PIK3C2G: variants seen among roughly 807,000 people sequenced by gnomAD.
The protein encoded by PIK3C2G is phosphatidylinositol-4-phosphate 3-kinase catalytic subunit type 2 gamma, also known as phosphatidylinositol 3-kinase C2 domain-containing subunit gamma.
Under a neutral mutation model 181.1 loss-of-function variants are expected in PIK3C2G, and 168 were observed. The observed-to-expected ratio is 0.93, with a 90% CI of 0.82 to 1.05. The LOEUF (loss-of-function observed/expected upper bound fraction) is 1.05, where lower values mean the gene tolerates loss of function less well. Among genes scored for constraint, PIK3C2G ranks in the 50% least tolerant of loss-of-function variants. The pLI, the probability that PIK3C2G is intolerant of heterozygous loss-of-function variation, is 0.00. For synonymous variants in PIK3C2G, 573 were observed against 592.2 expected (o/e 0.97, Z 0.47); for missense variants, 1,869 against 1,732.8 (o/e 1.08, Z -1.40).
chr12:18,346,974 T>G (rs17847789), intron 11 of PIK3C2G, 138 bp downstream of exon 11: 9 of 440,430 alleles, frequency 2.0e-5, no homozygotes, highest in Non-Finnish European at 3.6e-5. Flanking sequence ...TTATCCATAT[T>G]CTTAAAATCA....
At chr12:18,424,543 T>A (rs1184248328) in intron 18 of PIK3C2G, 1 of 161,420 alleles carries the variant, frequency 6.2e-6, no homozygotes, top group Non-Finnish European at 1.4e-5. Flanking sequence ...ATAAGACTGA[T>A]TCATAAGATG....
intron 26 of PIK3C2G, among the ~76,000 whole-genome samples, chr12:18,548,922 A>G (rs1179083361): frequency 1.3e-5 from 2 of 151,964 alleles, no homozygotes; most frequent in Non-Finnish European, 1.5e-5. Context: ...ATTATTCCAC[A>G]TGAATCCTTT....
the PIK3C2G span, chr12:18,693,589 T>G: frequency 6.3e-7 from 1 of 1,591,368 alleles, no homozygotes; most frequent in South Asian, 1.1e-5. Flanking sequence ...GGGAATTGTT[T>G]CGAGTTGCTG....
chr12:18,566,926 A>T, intron 28 of PIK3C2G, 23 bp from the exon 29 acceptor site: 1 of 1,239,036 alleles, frequency 8.1e-7, no homozygotes, highest in Admixed American at 1.7e-5. Context: ...TAATGAAGAT[A>T]ACTTTTTTTT....
intron 13 of PIK3C2G, chr12:18,372,749 T>A (rs2137888718): frequency 6.6e-6 from 1 of 152,328 alleles, no homozygotes; most frequent in African/African-American, 2.4e-5. Flanking sequence ...AGGAATATTT[T>A]TGTCTTTAAA....
Position 18,346,696 on chromosome 12 carries a change from T to C in PIK3C2G, c.1485T>C (p.Asn495=). 1 of 1,613,300 alleles carries C rather than the reference T, an allele frequency of 6.2e-7. No homozygotes were observed. The highest frequency in any genetic ancestry group is 8.5e-7 in the Non-Finnish European group (1 of 1,179,356). The part of the protein sequence containing the change: ...ELSTSIYQLI[N]VYCNSFYADF... ...CCACATCCATCTACCAGCTAATCAA[T>C]GTCTACTGTAACAGCTTTTATGCAG... The change falls in exon 11 of 33, where the codon AAT becomes AAC. Residue 495 remains asparagine (N), a synonymous_variant. Coordinates refer to ENST00000538779, the MANE Select transcript of PIK3C2G (RefSeq NM_001288772.2).
At chr12:18,329,755 C>T (rs1054525682) in intron 8 of PIK3C2G, among the ~76,000 whole-genome samples, 2 of 152,004 alleles carry the variant, frequency 1.3e-5, no homozygotes, top group Non-Finnish European at 2.9e-5. Flanking sequence ...ACACCAAACA[C>T]TTTTCTAATG....
At chr12:18,601,273 A>G (rs1218978226) in intron 30 of PIK3C2G, among the ~76,000 whole-genome samples, 4 of 147,950 alleles carry the variant, frequency 2.7e-5, no homozygotes, top group African/African-American at 1.0e-4. Context: ...CAAAACAACC[A>G]ATAAAATAAA....
chr12:18,411,709 C>T (rs1220580987), intron 16 of PIK3C2G, among the ~76,000 whole-genome samples: 1 of 152,180 alleles, frequency 6.6e-6, no homozygotes, highest in African/African-American at 2.4e-5. Context: ...TGAATAGCCT[C>T]ATGGCATATT....
chr12:18,598,069 C>T (rs1436718247), intron 30 of PIK3C2G, among the ~76,000 whole-genome samples: 1 of 152,188 alleles, frequency 6.6e-6, no homozygotes, highest in African/African-American at 2.4e-5. Flanking sequence ...AATGGCCATA[C>T]TGCCCAAGGT....
intron 14 of PIK3C2G, among the ~76,000 whole-genome samples, chr12:18,385,649 A>G (rs1565662516): frequency 6.6e-6 from 1 of 151,658 alleles, no homozygotes; most frequent in East Asian, 1.9e-4. Flanking sequence ...GCTCACTGCA[A>G]CCTCCTCCTC....
intron 1 of PIK3C2G, among the ~76,000 whole-genome samples, chr12:18,253,730 A>G (rs1407303996): frequency 1.3e-5 from 2 of 152,198 alleles, no homozygotes; most frequent in East Asian, 3.8e-4. Context: ...AATGTCCACA[A>G]AGTAATTCCA....
At chr12:18,407,144 G>C (rs60716523) in intron 16 of PIK3C2G, among the ~76,000 whole-genome samples, 16,872 of 151,986 alleles carry the variant, frequency 0.11, 1,290 homozygotes, top group Admixed American at 0.27. Flanking sequence ...TTCTTATCAT[G>C]AATCCTTCAT....
chr12:18,636,604 G>A (rs1164591393), intron 31 of PIK3C2G, among the ~76,000 whole-genome samples: 1 of 152,166 alleles, frequency 6.6e-6, no homozygotes, highest in Non-Finnish European at 1.5e-5. Context: ...ATCAGGAGAT[G>A]TGTTAATTTG....
chr12:18,581,688 C>T (rs555893156), intron 29 of PIK3C2G, among the ~76,000 whole-genome samples: 9 of 152,224 alleles, frequency 5.9e-5, no homozygotes, highest in South Asian at 2.1e-4. Flanking sequence ...CTTCCAGAGA[C>T]GTCAAGTAGG....
chr12:18,284,849 T>A (rs557628613), intron 2 of PIK3C2G, among the ~76,000 whole-genome samples: 2 of 151,776 alleles, frequency 1.3e-5, no homozygotes, highest in Non-Finnish European at 2.9e-5. Flanking sequence ...AACACAGGGA[T>A]CACATAAACA....
the PIK3C2G span, among the ~76,000 whole-genome samples, chr12:18,722,626 T>C: frequency 6.6e-6 from 1 of 152,054 alleles, no homozygotes; most frequent in African/African-American, 2.4e-5. Flanking sequence ...GTATTATGTG[T>C]TTATAATTTT....
chr12:18,455,861 C>T (rs184015031), intron 18 of PIK3C2G, among the ~76,000 whole-genome samples: 33 of 152,244 alleles, frequency 2.2e-4, no homozygotes, highest in Admixed American at 3.3e-4. Context: ...TGGAGGAACA[C>T]AAACATTCAG....
chr12:18,463,268 T>C (rs759583615), intron 18 of PIK3C2G, among the ~76,000 whole-genome samples: 2 of 152,190 alleles, frequency 1.3e-5, no homozygotes, highest in Non-Finnish European at 2.9e-5. Context: ...TGCATACTTA[T>C]AGTAGAGCTT....
Sources: gnomAD v4.1 joint callset for allele counts (sites outside exome capture counted in the v4.1 genomes callset) on GRCh38, gnomAD v4.1.1 for gene constraint, MANE v1.5 for transcripts, NCBI Gene and HGNC (gene_info 2026-07-23, HGNC 2026-07-21) for gene names.